The following ZNF793 variants were observed in gnomAD, a reference collection of about 807,000 sequenced individuals.
ZNF793 encodes zinc finger protein 793.
ZNF793 carries 5 observed loss-of-function variants against 12.4 expected under a neutral mutation model. That is an observed-to-expected ratio of 0.40 (90% CI 0.21 to 0.84). ZNF793 has a LOEUF of 0.84. Ranked by LOEUF, ZNF793 falls within the 40% of genes least tolerant of loss-of-function variation. The pLI, the probability that ZNF793 is intolerant of heterozygous loss-of-function variation, is 0.35. For synonymous variants in ZNF793, 162 were observed against 172.4 expected (o/e 0.94, Z 0.47); for missense variants, 456 against 495.0 (o/e 0.92, Z 0.75).
At chr19:37,525,297 C>T (rs1488561544) in intron 5 of ZNF793, among the ~76,000 whole-genome samples, 1 of 151,882 alleles carries the variant, frequency 6.6e-6, no homozygotes, top group Admixed American at 6.6e-5. Context: ...TGCCACCATG[C>T]CCGGCTAATT....
intron 5 of ZNF793, among the ~76,000 whole-genome samples, chr19:37,530,696 C>T (rs951196716): frequency 6.6e-5 from 10 of 152,150 alleles, no homozygotes; most frequent in Admixed American, 1.3e-4. Context: ...TAGTACAGAA[C>T]GAAATGGAGT....
At chr19:37,524,562 A>G (rs577612045) in intron 5 of ZNF793, among the ~76,000 whole-genome samples, 1 of 152,224 alleles carries the variant, frequency 6.6e-6, no homozygotes, top group Non-Finnish European at 1.5e-5. Context: ...CAAGATTTGT[A>G]CTGTTTATAA....
chr19:37,515,898 C>T (rs931020146), intron 2 of ZNF793, among the ~76,000 whole-genome samples: 2 of 151,912 alleles, frequency 1.3e-5, no homozygotes, highest in African/African-American at 4.8e-5. Flanking sequence ...GATCTCTTTG[C>T]CCCAAATTGT....
intron 6 of ZNF793, 81 bp from the exon 7 acceptor site, chr19:37,533,227 T>C: frequency 8.7e-7 from 1 of 1,144,848 alleles, no homozygotes; most frequent in Admixed American, 1.8e-5. Context: ...TAACATCTAT[T>C]GTGCAGCCTT....
intron 5 of ZNF793, among the ~76,000 whole-genome samples, chr19:37,528,973 C>A (rs2042436832): frequency 6.6e-6 from 1 of 152,064 alleles, no homozygotes; most frequent in Non-Finnish European, 1.5e-5. Context: ...ACGTGGTCCC[C>A]AGGCAGGTCC....
chr19:37,521,010 T>C (rs1293085239), intron 3 of ZNF793, among the ~76,000 whole-genome samples: 1 of 147,696 alleles, frequency 6.8e-6, no homozygotes, highest in Non-Finnish European at 1.5e-5. Flanking sequence ...TTTTTCGAGA[T>C]GAAGTCTCAC....
intron 2 of ZNF793, among the ~76,000 whole-genome samples, chr19:37,511,177 G>A (rs1472312060): frequency 6.6e-6 from 1 of 152,012 alleles, no homozygotes. Flanking sequence ...GCCACCCTAG[G>A]GGTAACTAGT....
chr19:37,530,129 A>G (rs1253659715), intron 5 of ZNF793, among the ~76,000 whole-genome samples: 7 of 152,206 alleles, frequency 4.6e-5, no homozygotes, highest in Non-Finnish European at 1.0e-4. Flanking sequence ...ATGCATACAC[A>G]TAAACATCTC....
At chr19:37,524,152 AAATAATAATAATAATAATAAT>A (rs200203820) in intron 5 of ZNF793, among the ~76,000 whole-genome samples, 115 of 138,942 alleles carry the variant, frequency 8.3e-4, no homozygotes, top group East Asian at 2.3e-3. Flanking sequence ...CTCCATCTCA[AAATAATAATAATAATAATAAT>A]AATAATAATA....
In ZNF793 at chr19:37,540,441, A is replaced by ATGT. The variant is rs1163377888; in HGVS notation, c.*2563_*2564insGTT. The ATGT allele has an allele frequency of 6.6e-6, 1 of 151,782 alleles. No homozygotes were observed. Among genetic ancestry groups the ATGT allele is most frequent in the East Asian group, 1.9e-4 (1 of 5,180 alleles). The allele number at this position is 151,782 out of a possible 1,614,324, so 9.4% of individuals were successfully genotyped here. On this transcript the variant is annotated 3_prime_UTR_variant, in exon 8 of 8. Coordinates refer to ENST00000627814, the MANE Select transcript of ZNF793 (RefSeq NM_001013659.3). ...AGTTAATAGGAAATGCATCAATCAA[A>ATGT]TTAACAGTTTAAAGGAGAAGAATCA...
At chr19:37,514,725 A>G (rs1410370578) in intron 2 of ZNF793, among the ~76,000 whole-genome samples, 1 of 152,198 alleles carries the variant, frequency 6.6e-6, no homozygotes, top group Non-Finnish European at 1.5e-5. Context: ...GCATTTCAAA[A>G]GAAAACCATA....
rs780154913 is a variant in ZNF793 at position 37,522,583 on chromosome 19, C to G, written c.-95C>G. The G allele has an allele frequency of 6.6e-6, 1 of 152,294 alleles. No homozygotes were observed. Among genetic ancestry groups the G allele is most frequent in the South Asian group, 2.1e-4 (1 of 4,828 alleles). The allele number at this position is 152,294 out of a possible 1,614,324, so 9.4% of individuals were successfully genotyped here. On this transcript the variant is annotated 5_prime_UTR_variant, in exon 4 of 8. Transcript: ENST00000627814. Reference sequence around the variant, plus strand: ...TTTAGGTGACACATCCCTTTAGTCTCCTTTAATCAGGAGCAGTTTCTCAGT... The same window carrying G: ...TTTAGGTGACACATCCCTTTAGTCTGCTTTAATCAGGAGCAGTTTCTCAGT...
chr19:37,537,099 C>A lies in ZNF793; in HGVS notation c.441C>A (p.Asn147Lys), dbSNP rs201067882. 1.2e-4 allele frequency: 186 copies of A among 1,613,300 alleles called. 1 individual carries two copies. Among genetic ancestry groups the A allele is most frequent in the Non-Finnish European group, 4.3e-5 (51 of 1,179,606 alleles). Residue 147 changes from asparagine (N) to lysine (K), a missense_variant, in exon 8 of 8, where the codon AAC becomes AAA. By Grantham distance (94) the Asn-to-Lys change is moderately conservative (BLOSUM62 0). Coordinates refer to ENST00000627814, the MANE Select transcript of ZNF793 (RefSeq NM_001013659.3). ...GGAACCCTTGTGGAAAGAATTTGAACCATAATTTAGACTTGATTGGTTTTA... is the reference window on the plus strand; with the variant it reads ...GGAACCCTTGTGGAAAGAATTTGAAACATAATTTAGACTTGATTGGTTTTA... ...SNWNPCGKNL[N>K]HNLDLIGFKR...
Position 37,536,897 on chromosome 19 carries a change from A to G in ZNF793, c.239A>G (p.Glu80Gly), listed in dbSNP as rs752936463. Residue 80 changes from glutamate (E) to glycine (G), a missense_variant and splice_region_variant, in exon 8 of 8, where the codon GAA (glutamate) becomes GGA (glycine). By Grantham distance (98) the Glu-to-Gly change is moderately conservative. Transcript: ENST00000627814. ...EAACPGCHCW[E>G]DIWRVNIQRK... ...GGATGATTCACTGTACTTTCTCCAG[A>G]AGACATCTGGCGAGTTAATATCCAG... 2.5e-6 allele frequency: 4 copies of G among 1,597,018 alleles called. No homozygotes were observed. Among genetic ancestry groups the G allele is most frequent in the Non-Finnish European group, 8.5e-7 (1 of 1,174,338 alleles).
chr19:37,523,365 C>T, intron 4 of ZNF793, 45 bp from the exon 5 acceptor site: 2 of 1,469,104 alleles, frequency 1.4e-6, no homozygotes, highest in Non-Finnish European at 1.9e-6. Context: ...ACACTCTGTT[C>T]TCTGTTCTCT....
At chr19:37,525,427 C>T (rs548533465) in intron 5 of ZNF793, among the ~76,000 whole-genome samples, 4 of 148,108 alleles carry the variant, frequency 2.7e-5, no homozygotes, top group Non-Finnish European at 6.0e-5. Flanking sequence ...CGTGAGCCAC[C>T]GTGCCTGGCC....
chr19:37,523,504 T>C, intron 5 of ZNF793, 50 bp downstream of exon 5: 1 of 1,581,668 alleles, frequency 6.3e-7, no homozygotes, highest in East Asian at 2.2e-5. Context: ...GAAACTGTCC[T>C]AGAGGAAAAA....
intron 2 of ZNF793, among the ~76,000 whole-genome samples, chr19:37,517,360 G>A (rs113572717): frequency 0.15 from 22,764 of 151,222 alleles, 1,750 homozygotes; most frequent in South Asian, 0.24. Context: ...GGAGGCTCAG[G>A]CAGGAGAATC....
At chr19:37,528,093 C>A (rs891217681) in intron 5 of ZNF793, among the ~76,000 whole-genome samples, 1 of 152,140 alleles carries the variant, frequency 6.6e-6, no homozygotes, top group Non-Finnish European at 1.5e-5. Flanking sequence ...TGCGCCACTG[C>A]ACTCCAGCCT....
Sources: allele counts gnomAD v4.1 joint callset (sites outside exome capture counted in the v4.1 genomes callset), GRCh38; gene constraint gnomAD v4.1.1; transcripts MANE v1.5; gene names NCBI Gene and HGNC (gene_info 2026-07-23, HGNC 2026-07-21).